KCND2: variants seen among roughly 807,000 people sequenced by gnomAD.
KCND2 encodes A-type voltage-gated potassium channel KCND2.
KCND2 carries 16 observed loss-of-function variants against 54.4 expected under a neutral mutation model. The observed-to-expected ratio is 0.29, with a 90% confidence interval of 0.20 to 0.45. The LOEUF (loss-of-function observed/expected upper bound fraction) is 0.45. KCND2 is among the 20% of genes least tolerant of loss of function. The pLI is 1.00. For missense variants in KCND2, 486 were observed against 824.2 expected, an observed-to-expected ratio of 0.59 and a Z score of 5.02; for synonymous variants, 317 against 310.7, an observed-to-expected ratio of 1.02 and a Z score of -0.21.
chr7:120,280,371 A>G (rs890667961), intron 1 of KCND2, among the ~76,000 whole-genome samples: 1 of 152,040 alleles, frequency 6.6e-6, no homozygotes, highest in Non-Finnish European at 1.5e-5. Flanking sequence ...GTACTTCAGC[A>G]TTTACTTGGT....
chr7:120,393,321 G>A (rs112221872), intron 1 of KCND2, among the ~76,000 whole-genome samples: 72 of 152,014 alleles, frequency 4.7e-4, no homozygotes, highest in Admixed American at 2.0e-3. Flanking sequence ...CAAACTCATC[G>A]GGAGCACCAT....
intron 1 of KCND2, among the ~76,000 whole-genome samples, chr7:120,466,626 A>T (rs1286573057): frequency 3.9e-5 from 6 of 152,104 alleles, no homozygotes; most frequent in Non-Finnish European, 5.9e-5. Context: ...TCTATACCAA[A>T]ATAATTCAAA....
At chr7:120,677,580 G>GATATATATAT (rs1562906528) in intron 1 of KCND2, among the ~76,000 whole-genome samples, 1 of 147,264 alleles carries the variant, frequency 6.8e-6, no homozygotes, top group African/African-American at 2.5e-5. Flanking sequence ...TAGATATATA[G>GATATATATAT]ATATATAAAA....
chr7:120,419,941 T>C (rs1801585922), intron 1 of KCND2, among the ~76,000 whole-genome samples: 1 of 151,838 alleles, frequency 6.6e-6, no homozygotes, highest in South Asian at 2.1e-4. Context: ...TATTATTTTT[T>C]TCTTTCTTTT....
At chr7:120,728,282 CTTTTT>C (rs758218585) in intron 1 of KCND2, among the ~76,000 whole-genome samples, 1 of 138,872 alleles carries the variant, frequency 7.2e-6, no homozygotes, top group Non-Finnish European at 1.6e-5. Flanking sequence ...CGTTCTTCTT[CTTTTT>C]TTTTTTTTTT....
intron 1 of KCND2, among the ~76,000 whole-genome samples, chr7:120,335,459 AC>A (rs1800134804): frequency 7.3e-6 from 1 of 137,560 alleles, no homozygotes; most frequent in African/African-American, 3.0e-5. Context: ...TTATTTATTT[AC>A]TTACTTACTT....
chr7:120,587,673 A>C (rs990992991), intron 1 of KCND2, among the ~76,000 whole-genome samples: 2 of 152,180 alleles, frequency 1.3e-5, no homozygotes, highest in Non-Finnish European at 2.9e-5. Context: ...TATAATGATG[A>C]AAAACCACCA....
intron 1 of KCND2, among the ~76,000 whole-genome samples, chr7:120,471,355 G>C (rs10156120): frequency 0.17 from 25,185 of 152,026 alleles, 2,503 homozygotes; most frequent in African/African-American, 0.27. Flanking sequence ...ACAGCAGCAA[G>C]TTATGATTTG....
At chr7:120,404,291 C>T (rs1174988736) in intron 1 of KCND2, among the ~76,000 whole-genome samples, 2 of 152,094 alleles carry the variant, frequency 1.3e-5, no homozygotes, top group Admixed American at 6.6e-5. Flanking sequence ...TGACACGAGA[C>T]CCTCTCATTA....
intron 1 of KCND2, among the ~76,000 whole-genome samples, chr7:120,421,747 T>C (rs1413174601): frequency 6.6e-6 from 1 of 152,242 alleles, no homozygotes; most frequent in Non-Finnish European, 1.5e-5. Context: ...ATACTAGTCA[T>C]CATTTCAGGC....
intron 1 of KCND2, among the ~76,000 whole-genome samples, chr7:120,701,218 T>C (rs1008991064): frequency 8.2e-6 from 1 of 121,536 alleles, no homozygotes; most frequent in Non-Finnish European, 1.6e-5. Flanking sequence ...AATAACCTAG[T>C]TGAATGGCTG....
At chr7:120,621,530 G>C (rs755486601) in intron 1 of KCND2, among the ~76,000 whole-genome samples, 1 of 151,976 alleles carries the variant, frequency 6.6e-6, no homozygotes, top group Non-Finnish European at 1.5e-5. Flanking sequence ...TATCATGGGA[G>C]CAAAATTAAA....
chr7:120,433,410 T>C (rs1221881884), intron 1 of KCND2, among the ~76,000 whole-genome samples: 1 of 152,238 alleles, frequency 6.6e-6, no homozygotes, highest in African/African-American at 2.4e-5. Context: ...ATGTAGCACA[T>C]TGTGTTTGGT....
At chr7:120,511,835 C>T (rs1356264939) in intron 1 of KCND2, among the ~76,000 whole-genome samples, 3 of 152,184 alleles carry the variant, frequency 2.0e-5, no homozygotes, top group East Asian at 3.9e-4. Flanking sequence ...TACAGCTGTG[C>T]ATCATTGAGA....
chr7:120,605,916 C>T (rs1338085945), intron 1 of KCND2, among the ~76,000 whole-genome samples: 1 of 152,120 alleles, frequency 6.6e-6, no homozygotes, highest in African/African-American at 2.4e-5. Context: ...GCTCCCATAA[C>T]GTCCACATGT....
intron 1 of KCND2, among the ~76,000 whole-genome samples, chr7:120,345,890 ATTTTATT>A (rs1355492553): frequency 2.0e-5 from 3 of 152,116 alleles, no homozygotes; most frequent in Non-Finnish European, 2.9e-5. Flanking sequence ...TCATATGGTA[ATTTTATT>A]TTTAATTTTT....
chr7:120,341,269 A>T (rs568257831), intron 1 of KCND2, among the ~76,000 whole-genome samples: 1 of 152,256 alleles, frequency 6.6e-6, no homozygotes, highest in Admixed American at 6.5e-5. Flanking sequence ...GAGTACATGG[A>T]CTGGTTAAAT....
chr7:120,572,769 C>T (rs535154436), intron 1 of KCND2, among the ~76,000 whole-genome samples: 73 of 152,244 alleles, frequency 4.8e-4, no homozygotes, highest in African/African-American at 1.6e-3. Flanking sequence ...GTGATCCACC[C>T]GCCTTGGCAT....
chr7:120,460,577 T>TTTTTTTTTTC (rs1802269691), intron 1 of KCND2, among the ~76,000 whole-genome samples: 1 of 150,758 alleles, frequency 6.6e-6, no homozygotes, highest in African/African-American at 2.4e-5. Context: ...TTTTTTTTTT[T>TTTTTTTTTTC]ACATTTTAAA....
Sources: gnomAD v4.1 joint callset for allele counts (sites outside exome capture counted in the v4.1 genomes callset) on GRCh38, gnomAD v4.1.1 for gene constraint, MANE v1.5 for transcripts, NCBI Gene and HGNC (gene_info 2026-07-23, HGNC 2026-07-21) for gene names.